The following LRP1B variants were observed in gnomAD, a reference collection of about 807,000 sequenced individuals.
LRP1B encodes the protein LDL receptor related protein 1B.
Under a neutral mutation model 556.6 loss-of-function variants are expected in LRP1B, and 217 were observed. That is an observed-to-expected ratio of 0.39 (90% CI 0.35 to 0.44). LRP1B has a LOEUF of 0.44. Among genes scored for constraint, LRP1B ranks in the 20% least tolerant of loss-of-function variants. The pLI, the probability that LRP1B is intolerant of heterozygous loss-of-function variation, is 1.00. For synonymous variants in LRP1B, 2,047 were observed against 1,865.8 expected, an observed-to-expected ratio of 1.10 and a Z score of -2.50; for missense variants, 5,053 against 5,620.8, an observed-to-expected ratio of 0.90 and a Z score of 3.23.
intron 3 of LRP1B, among the ~76,000 whole-genome samples, chr2:141,337,403 T>G (rs1687885597): frequency 6.6e-6 from 1 of 152,220 alleles, no homozygotes; most frequent in Non-Finnish European, 1.5e-5. Flanking sequence ...TTTTAGTGAT[T>G]TATTATCTTA....
intron 3 of LRP1B, among the ~76,000 whole-genome samples, chr2:141,336,114 C>CAAAAAAAA (rs60102985): frequency 1.1e-5 from 1 of 93,058 alleles, no homozygotes; most frequent in African/African-American, 4.4e-5. Flanking sequence ...CAGACCTGTC[C>CAAAAAAAA]AAAAAAAAAA....
intron 1 of LRP1B, among the ~76,000 whole-genome samples, chr2:141,925,014 C>G (rs1700296205): frequency 6.6e-6 from 1 of 152,004 alleles, no homozygotes; most frequent in Non-Finnish European, 1.5e-5. Context: ...TCTGTAATTA[C>G]CAGTTATACA....
At chr2:142,127,662 C>T (rs940746170) in intron 1 of LRP1B, among the ~76,000 whole-genome samples, 48 of 152,072 alleles carry the variant, frequency 3.2e-4, no homozygotes, top group South Asian at 1.2e-3. Flanking sequence ...AGACATAAAT[C>T]GCAGTTCATT....
intron 43 of LRP1B, among the ~76,000 whole-genome samples, chr2:140,592,999 G>T (rs1186512027): frequency 6.6e-6 from 1 of 151,716 alleles, no homozygotes; most frequent in African/African-American, 2.4e-5. Context: ...AATATTTAGT[G>T]CCATAAAAAG....
chr2:141,816,369 A>G (rs1696546147), intron 1 of LRP1B, among the ~76,000 whole-genome samples: 1 of 152,180 alleles, frequency 6.6e-6, no homozygotes, highest in African/African-American at 2.4e-5. Context: ...AGCAGGCAGA[A>G]GAAGGTGGAA....
At chr2:142,044,467 G>T (rs1373692255) in intron 1 of LRP1B, among the ~76,000 whole-genome samples, 1 of 151,728 alleles carries the variant, frequency 6.6e-6, no homozygotes, top group East Asian at 1.9e-4. Flanking sequence ...TCCTCCTGCA[G>T]AGCAGAAAGA....
At chr2:141,282,465 T>TATATGTATATGTATATGTATATG in intron 3 of LRP1B, among the ~76,000 whole-genome samples, 1 of 135,690 alleles carries the variant, frequency 7.4e-6, no homozygotes, top group East Asian at 2.2e-4. Flanking sequence ...CTCGGGGGTT[T>TATATGTATATGTATATGTATATG]TATATGTATA....
chr2:141,601,615 C>CTTCCTTCT (rs1427764165), intron 2 of LRP1B, among the ~76,000 whole-genome samples: 1 of 149,928 alleles, frequency 6.7e-6, no homozygotes. Context: ...TCCTTCCTTC[C>CTTCCTTCT]TTCCTTCCTT....
At chr2:140,610,195 G>T (rs557136496) in intron 41 of LRP1B, among the ~76,000 whole-genome samples, 49 of 151,800 alleles carry the variant, frequency 3.2e-4, no homozygotes, top group African/African-American at 1.0e-3. Flanking sequence ...TGTGTTGTTT[G>T]TGTTGTTTTT....
At chr2:141,892,506 G>A (rs1286022868) in intron 1 of LRP1B, among the ~76,000 whole-genome samples, 2 of 151,826 alleles carry the variant, frequency 1.3e-5, no homozygotes, top group Non-Finnish European at 2.9e-5. Flanking sequence ...ATGCATTGAA[G>A]CTTCTATGTC....
chr2:141,765,562 GA>G (rs945956950), intron 2 of LRP1B, among the ~76,000 whole-genome samples: 2 of 151,738 alleles, frequency 1.3e-5, no homozygotes, highest in East Asian at 1.9e-4. Flanking sequence ...GTGATATCTG[GA>G]AAAAAAATTA....
At chr2:140,610,902 A>G (rs1683049477) in intron 41 of LRP1B, among the ~76,000 whole-genome samples, 1 of 152,234 alleles carries the variant, frequency 6.6e-6, no homozygotes, top group Non-Finnish European at 1.5e-5. Context: ...CCCTTGTCTG[A>G]AATACAGAGA....
intron 1 of LRP1B, among the ~76,000 whole-genome samples, chr2:142,120,390 G>A (rs1446039615): frequency 1.3e-5 from 2 of 152,198 alleles, no homozygotes. Flanking sequence ...GGGATTACAG[G>A]CGTGAGCCAC....
rs574911331 is a variant in LRP1B at position 141,030,344 on chromosome 2, T to C, written c.1790-10242A>G. ...GTTTGTCTCAGAATGATATTTTATGTATATCTCTATATCTTTTTTATCTTG... is the reference window on the plus strand; with the variant it reads ...GTTTGTCTCAGAATGATATTTTATGCATATCTCTATATCTTTTTTATCTTG... On this transcript the variant is annotated intron_variant, in intron 11 of 90. Coordinates refer to ENST00000389484, the MANE Select transcript of LRP1B (RefSeq NM_018557.3). Among the ~76,000 whole-genome samples, 15 of 152,100 alleles carry C rather than the reference T, an allele frequency of 9.9e-5. No individual in the cohort carries two copies. In the South Asian group the frequency reaches 2.7e-3, roughly 27 times the overall value.
intron 67 of LRP1B, among the ~76,000 whole-genome samples, chr2:140,379,582 C>T (rs1683384350): frequency 6.6e-6 from 1 of 152,082 alleles, no homozygotes; most frequent in South Asian, 2.1e-4. Flanking sequence ...GTAATCCCAG[C>T]TACTTGGGAG....
At chr2:140,659,390 G>A (rs1429147667) in intron 41 of LRP1B, among the ~76,000 whole-genome samples, 2 of 151,920 alleles carry the variant, frequency 1.3e-5, no homozygotes, top group Non-Finnish European at 2.9e-5. Context: ...GATGAATAAA[G>A]GTTCTACTCG....
At chr2:140,370,139 C>T (rs779864347) in intron 71 of LRP1B, among the ~76,000 whole-genome samples, 20 of 151,944 alleles carry the variant, frequency 1.3e-4, no homozygotes, top group Non-Finnish European at 2.6e-4. Context: ...AAATAATCTT[C>T]GCACAGCTAG....
chr2:141,266,241 G>A (rs751688436), intron 3 of LRP1B, among the ~76,000 whole-genome samples: 2 of 150,548 alleles, frequency 1.3e-5, no homozygotes, highest in African/African-American at 2.4e-5. Flanking sequence ...GAAGAATGGC[G>A]TGAACCCGGG....
intron 1 of LRP1B, among the ~76,000 whole-genome samples, chr2:141,989,250 T>C (rs1417277020): frequency 7.1e-6 from 1 of 141,146 alleles, no homozygotes; most frequent in Non-Finnish European, 1.5e-5. Flanking sequence ...AAGACACTTG[T>C]TTAAAGTTTT....
Sources: gnomAD v4.1 joint callset for allele counts (sites outside exome capture counted in the v4.1 genomes callset) on GRCh38, gnomAD v4.1.1 for gene constraint, MANE v1.5 for transcripts, NCBI Gene and HGNC (gene_info 2026-07-23, HGNC 2026-07-21) for gene names.